The following RNF125 variants were observed in gnomAD, a reference collection of about 807,000 sequenced individuals.
RNF125 encodes the protein ring finger protein 125.
In RNF125, 21 loss-of-function variants were observed where a neutral mutation model predicts 26.0. The ratio of observed to expected loss-of-function variants is 0.81; its 90% CI spans 0.57 to 1.16. The LOEUF is 1.16. Ranked by LOEUF, RNF125 falls within the 50% of genes most tolerant of loss-of-function variation. RNF125 has a pLI of 0.00. For synonymous variants in RNF125, 95 were observed against 109.2 expected, an observed-to-expected ratio of 0.87 and a Z score of 0.81; for missense variants, 270 against 299.4, an observed-to-expected ratio of 0.90 and a Z score of 0.72.
chr18:32,032,297 C>T (rs913893630), intron 1 of RNF125, among the ~76,000 whole-genome samples: 3 of 151,888 alleles, frequency 2.0e-5, no homozygotes, highest in East Asian at 3.9e-4. Context: ...AGGCTGGTCT[C>T]GAACCCCTGA....
At chr18:32,062,597 A>G (rs905176182) in intron 4 of RNF125, among the ~76,000 whole-genome samples, 5 of 152,202 alleles carry the variant, frequency 3.3e-5, no homozygotes, top group Admixed American at 2.6e-4. Context: ...TGAAACTGAG[A>G]TCCTCATAAA....
the RNF125 span, among the ~76,000 whole-genome samples, chr18:32,081,583 T>C: frequency 0.054 from 8,274 of 152,222 alleles, 341 homozygotes; most frequent in East Asian, 0.24. Context: ...ATAGTTAGTA[T>C]CACCCCCATT....
intron 1 of RNF125, among the ~76,000 whole-genome samples, chr18:32,020,747 A>G (rs1480383881): frequency 1.3e-5 from 2 of 151,464 alleles, no homozygotes; most frequent in Non-Finnish European, 1.5e-5. Flanking sequence ...CGTCTCTACT[A>G]AAAATACAAA....
chr18:32,075,621 A>T (rs1230995673), downstream of RNF125, among the ~76,000 whole-genome samples: 1 of 135,828 alleles, frequency 7.4e-6, no homozygotes. Flanking sequence ...TGAACCTGGG[A>T]GGTGGAGGTT....
chr18:32,078,855 T>C, the RNF125 span, among the ~76,000 whole-genome samples: 4 of 152,228 alleles, frequency 2.6e-5, no homozygotes, highest in African/African-American at 9.6e-5. Flanking sequence ...TGTTGTTTTA[T>C]GCCTCTGTGA....
chr18:32,069,679 C>T lies in RNF125; in HGVS notation c.*1295C>T, dbSNP rs2039515926. The T allele has an allele frequency of 6.6e-6, 1 of 152,154 alleles. No homozygotes were observed. Among genetic ancestry groups the T allele is most frequent in the Non-Finnish European group, 1.5e-5 (1 of 68,040 alleles). 9.4% of individuals were successfully genotyped at this position (152,154 alleles called of 1,614,324 possible). A position where few individuals can be genotyped will look rare whatever the true frequency, so the allele number is the denominator to read the frequency against. ...ATCACTTTGTTGCATTTGATTACTGCTGCCACACCTAAATGCATATATCTA... is the reference window on the plus strand; with the variant it reads ...ATCACTTTGTTGCATTTGATTACTGTTGCCACACCTAAATGCATATATCTA... On this transcript the variant is annotated 3_prime_UTR_variant, in exon 6 of 6. Transcript: ENST00000217740.
At chr18:32,041,910 G>T (rs542687492) in intron 2 of RNF125, 2 of 331,346 alleles carry the variant, frequency 6.0e-6, no homozygotes, top group Admixed American at 5.0e-5. Flanking sequence ...GATTACAGGC[G>T]TGAGCCACCG....
the RNF125 span, among the ~76,000 whole-genome samples, chr18:32,089,273 CAA>C: frequency 6.6e-5 from 10 of 152,146 alleles, no homozygotes; most frequent in Non-Finnish European, 7.4e-5. Flanking sequence ...GGCAAAAATG[CAA>C]AAGAGAACTT....
At chr18:32,031,833 G>A (rs2039099837) in intron 1 of RNF125, among the ~76,000 whole-genome samples, 1 of 152,012 alleles carries the variant, frequency 6.6e-6, no homozygotes, top group Non-Finnish European at 1.5e-5. Context: ...CTGTGGTAGT[G>A]GAATAAAAGG....
the RNF125 span, among the ~76,000 whole-genome samples, chr18:32,081,735 A>T: frequency 6.6e-6 from 1 of 152,208 alleles, no homozygotes; most frequent in African/African-American, 2.4e-5. Flanking sequence ...AAAATTTTTA[A>T]TATTAAACTT....
chr18:32,038,379 G>C (rs1291157216), intron 2 of RNF125, among the ~76,000 whole-genome samples: 1 of 152,032 alleles, frequency 6.6e-6, no homozygotes, highest in Non-Finnish European at 1.5e-5. Flanking sequence ...TATATCATCT[G>C]CAGAAAACCC....
Position 32,045,633 on chromosome 18 carries a change from T to C in RNF125, c.414-9T>C. On this transcript the variant is annotated splice_polypyrimidine_tract_variant and intron_variant, in intron 3 of 5. Transcript: ENST00000217740. ...TTTTAATATTATTTGTATTCTGTGC[T>C]ATTTCCAGGTGTGTATGTCCCTTTT... 6.3e-7 allele frequency: 1 copy of C among 1,580,580 alleles called. No homozygotes were observed. The highest frequency in any genetic ancestry group is 8.7e-7 in the Non-Finnish European group (1 of 1,155,574).
At chr18:32,052,340 A>G (rs1487555346) in intron 4 of RNF125, among the ~76,000 whole-genome samples, 1 of 151,752 alleles carries the variant, frequency 6.6e-6, no homozygotes, top group African/African-American at 2.4e-5. Flanking sequence ...TAAATATACA[A>G]AAATTAGCCA....
chr18:32,066,034 A>G (rs2039482392), intron 5 of RNF125, 25 bp downstream of exon 5: 1 of 1,423,802 alleles, frequency 7.0e-7, no homozygotes, highest in African/African-American at 1.4e-5. Context: ...TTATTTTTAC[A>G]TTATGTTTTC....
the RNF125 span, among the ~76,000 whole-genome samples, chr18:32,087,376 G>T: frequency 6.6e-6 from 1 of 151,968 alleles, no homozygotes; most frequent in East Asian, 2.0e-4. Flanking sequence ...ACTTGAAGCT[G>T]GTTGGTCGGA....
downstream of RNF125, among the ~76,000 whole-genome samples, chr18:32,075,191 CTCCA>C (rs1251358901): frequency 5.3e-5 from 8 of 152,168 alleles, no homozygotes; most frequent in Non-Finnish European, 1.2e-4. Context: ...TACAATTCTA[CTCCA>C]TCCATCAGCG....
downstream of RNF125, among the ~76,000 whole-genome samples, chr18:32,077,653 G>A (rs549418730): frequency 2.6e-5 from 4 of 151,800 alleles, no homozygotes; most frequent in East Asian, 3.9e-4. Flanking sequence ...GAGCCACCTC[G>A]CCGGGCCGTA....
chr18:32,090,431 TG>T, the RNF125 span, among the ~76,000 whole-genome samples: 1 of 152,186 alleles, frequency 6.6e-6, no homozygotes, highest in Non-Finnish European at 1.5e-5. Flanking sequence ...TTGCTTCCAC[TG>T]CGCTTGCTGC....
At chr18:32,037,930 G>A (rs1473129113) in intron 2 of RNF125, among the ~76,000 whole-genome samples, 1 of 152,056 alleles carries the variant, frequency 6.6e-6, no homozygotes, top group Non-Finnish European at 1.5e-5. Flanking sequence ...ATAAAAGCTG[G>A]CCACCCCAGC....
Sources: allele counts gnomAD v4.1 joint callset (sites outside exome capture counted in the v4.1 genomes callset), GRCh38; gene constraint gnomAD v4.1.1; transcripts MANE v1.5; gene names NCBI Gene and HGNC (gene_info 2026-07-23, HGNC 2026-07-21).